ACTR8: variants seen among roughly 807,000 people sequenced by gnomAD.
ACTR8 encodes actin related protein 8, also known as actin-related protein 8.
Under a neutral mutation model 84.3 loss-of-function variants are expected in ACTR8, and 70 were observed. That is an observed-to-expected ratio of 0.83 (90% CI 0.68 to 1.01). The LOEUF (loss-of-function observed/expected upper bound fraction) is 1.01. ACTR8 is among the 50% of genes least tolerant of loss of function. The pLI is 0.00. For synonymous variants in ACTR8, 268 were observed against 275.2 expected, an observed-to-expected ratio of 0.97 and a Z score of 0.26; for missense variants, 672 against 775.4, an observed-to-expected ratio of 0.87 and a Z score of 1.58.
At chr3:53,872,549 C>A in intron 9 of ACTR8, 25 bp from the exon 10 acceptor site, 4 of 1,553,630 alleles carry the variant, frequency 2.6e-6, no homozygotes, top group Non-Finnish European at 3.5e-6. Flanking sequence ...AAAGAGTGAT[C>A]AACAAAAGAT....
chr3:53,868,346 T>C lies in ACTR8; in HGVS notation c.*373A>G, dbSNP rs2107045174. ...GAGTGGACAGTTCTCCCTCGTCACATACTATCCCTCATGGTTGCATGAGGC... is the reference window on the plus strand; with the variant it reads ...GAGTGGACAGTTCTCCCTCGTCACACACTATCCCTCATGGTTGCATGAGGC... On this transcript the variant is annotated 3_prime_UTR_variant, in exon 13 of 13. Transcript: ENST00000335754. The C allele has an allele frequency of 5.5e-6, 1 of 180,966 alleles. No individual in the cohort carries two copies. The highest frequency in any genetic ancestry group is 2.3e-3 in the Middle Eastern group (1 of 438). The allele number at this position is 180,966 out of a possible 1,614,324, so 11.2% of individuals were successfully genotyped here. A position where few individuals can be genotyped will look rare whatever the true frequency, so the allele number is the denominator to read the frequency against.
At chr3:53,879,839 A>G in intron 2 of ACTR8, 100 bp downstream of exon 2, 1 of 1,202,102 alleles carries the variant, frequency 8.3e-7, no homozygotes, top group Non-Finnish European at 1.2e-6. Context: ...AAAACACAGC[A>G]AAGCTATGAA....
intron 12 of ACTR8, among the ~76,000 whole-genome samples, chr3:53,869,303 G>A (rs1216048059): frequency 1.3e-5 from 2 of 152,164 alleles, no homozygotes; most frequent in African/African-American, 4.8e-5. Context: ...TAGGACTTAT[G>A]AACTACAGGC....
At chr3:53,874,498 G>A in intron 7 of ACTR8, 134 bp from the exon 8 acceptor site, 1 of 870,522 alleles carries the variant, frequency 1.1e-6, no homozygotes, top group South Asian at 2.0e-5. Context: ...GCTGAGATGA[G>A]CAGATCACTT....
At chr3:53,864,972 A>G, downstream of ACTR8, 1 of 1,614,188 alleles carries the variant, frequency 6.2e-7, no homozygotes, top group Admixed American at 1.7e-5. Flanking sequence ...CAGCAGACAA[A>G]GTCGTCTTCC....
At chr3:53,864,413 T>C (rs1026777679), downstream of ACTR8, among the ~76,000 whole-genome samples, 4 of 152,038 alleles carry the variant, frequency 2.6e-5, no homozygotes, top group Admixed American at 2.0e-4. Flanking sequence ...CGGGCGCCTG[T>C]AGTCCCAGCT....
At chr3:53,877,106 T>A in intron 5 of ACTR8, 108 bp downstream of exon 5, 4 of 1,104,906 alleles carry the variant, frequency 3.6e-6, no homozygotes, top group Admixed American at 2.9e-5. Context: ...ACCCTGAAGG[T>A]CAAGAATGTT....
chr3:53,860,469 T>C, the ACTR8 span: 4 of 359,296 alleles, frequency 1.1e-5, no homozygotes, highest in African/African-American at 4.1e-5. Context: ...ATTTTTACCA[T>C]TGAGCCTTCT....
chr3:53,868,857 C>T lies in ACTR8; in HGVS notation c.1737G>A (p.Met579Ile). The change falls in exon 13 of 13, where the codon ATG becomes ATA. Residue 579 changes from methionine to isoleucine, a missense_variant. Transcript: ENST00000335754. ...CTTTCCATGCAATCAGCCGGGGGTC[C>T]ATGTCCTACAGAAGGGATGAAGGCA... ...NVDVITRPKD[M>I]DPRLIAWKGG... is the part of the protein sequence containing the mutation. 6.2e-7 allele frequency: 1 copy of T among 1,613,928 alleles called. No individual in the cohort carries two copies. The highest frequency in any genetic ancestry group is 8.5e-7 in the Non-Finnish European group (1 of 1,179,914).
chr3:53,876,221 T>C (rs1699965747), intron 6 of ACTR8, 141 bp from the exon 7 acceptor site: 2 of 1,122,232 alleles, frequency 1.8e-6, no homozygotes, highest in South Asian at 3.2e-5. Context: ...AGAATAAGCA[T>C]TTAAATAAGT....
At chr3:53,879,842 G>T (rs577614315) in intron 2 of ACTR8, 97 bp downstream of exon 2, 7 of 1,222,564 alleles carry the variant, frequency 5.7e-6, no homozygotes, top group Admixed American at 2.4e-5. Context: ...ACACAGCAAA[G>T]CTATGAAGAT....
At position 53,881,770 on chromosome 3, in the gene ACTR8, G is replaced by A. The variant is rs952826437; in HGVS notation, c.123+209C>T. 1.9e-5 allele frequency: 14 copies of A among 730,910 alleles called. No homozygotes were observed. The Middle Eastern group carries it at 1.2e-3, about 61-fold the overall frequency. The allele number at this position is 730,910 out of a possible 1,614,324, so 45.3% of individuals were successfully genotyped here. On this transcript the variant is annotated intron_variant, in intron 1 of 12. Coordinates refer to ENST00000335754, the MANE Select transcript of ACTR8 (RefSeq NM_022899.5). ...AGATCGGAGCGGTGTCCCTGCGGGGGCTCCGCCTGGCTCCTGGCGCTCCGC... is the reference window on the plus strand; with the variant it reads ...AGATCGGAGCGGTGTCCCTGCGGGGACTCCGCCTGGCTCCTGGCGCTCCGC...
downstream of ACTR8, among the ~76,000 whole-genome samples, chr3:53,866,722 C>T (rs1330376823): frequency 6.6e-6 from 1 of 152,170 alleles, no homozygotes; most frequent in Non-Finnish European, 1.5e-5. Flanking sequence ...ACCTCATGAT[C>T]CACCCACCTC....
chr3:53,879,578 T>C (rs1406902150), intron 2 of ACTR8, among the ~76,000 whole-genome samples: 3 of 152,056 alleles, frequency 2.0e-5, no homozygotes, highest in Non-Finnish European at 2.9e-5. Flanking sequence ...AAAATAAGAG[T>C]TTGACTTATT....
In ACTR8 at chr3:53,868,159, T is replaced by C. The variant is rs1699823023; in HGVS notation, c.*560A>G. ...GAAATCGAGACCTGAATGGGTCCCA[T>C]TCTTTTTCTGTAATCCAACAGAAAA... On this transcript the variant is annotated 3_prime_UTR_variant, in exon 13 of 13. Coordinates refer to ENST00000335754, the MANE Select transcript of ACTR8 (RefSeq NM_022899.5). 2.0e-5 allele frequency: 3 copies of C among 151,104 alleles called. No homozygotes were observed. Among genetic ancestry groups the C allele is most frequent in the African/African-American group, 7.3e-5 (3 of 41,066 alleles). The allele number at this position is 151,104 out of a possible 1,614,324, so 9.4% of individuals were successfully genotyped here.
chr3:53,870,361 C>CT lies in ACTR8; in HGVS notation c.1568-217dup, dbSNP rs2107051085. The CT allele has an allele frequency of 1.7e-6, 1 of 576,440 alleles. No individual in the cohort carries two copies. The highest frequency in any genetic ancestry group is 2.9e-5 in the East Asian group (1 of 34,160). 35.7% of individuals were successfully genotyped at this position (576,440 alleles called of 1,614,324 possible). A position where few individuals can be genotyped will look rare whatever the true frequency, so the allele number is the denominator to read the frequency against. On this transcript the variant is annotated intron_variant, in intron 11 of 12. Transcript: ENST00000335754. The surrounding 1 kb of genome is among the most constrained non-coding windows in gnomAD (Gnocchi z 4.1). ...CTACTTGCAGGATTAGGATCAAAAT[C>CT]TTTAAAGGAGGCCGAGCATGGTGGC... is the stretch of plus-strand genomic sequence containing the variant.
chr3:53,865,201 C>A (rs772985238), downstream of ACTR8: 3 of 1,614,052 alleles, frequency 1.9e-6, no homozygotes, highest in Admixed American at 3.3e-5. Context: ...CAAGTACCAC[C>A]TCATGAAGGA....
At chr3:53,869,058 G>C (rs1028272237) in intron 12 of ACTR8, among the ~76,000 whole-genome samples, 196 bp from the exon 13 acceptor site, 3 of 152,248 alleles carry the variant, frequency 2.0e-5, no homozygotes, top group Non-Finnish European at 4.4e-5. Flanking sequence ...GAGGCGGGCA[G>C]ATCACGAGAT....
At chr3:53,873,569 C>T (rs928436594) in intron 8 of ACTR8, among the ~76,000 whole-genome samples, 5 of 152,192 alleles carry the variant, frequency 3.3e-5, no homozygotes, top group Non-Finnish European at 7.3e-5. Flanking sequence ...CAAATTATAA[C>T]ATTTAACAAA....
Sources: allele counts gnomAD v4.1 joint callset (sites outside exome capture counted in the v4.1 genomes callset), GRCh38; gene constraint gnomAD v4.1.1; non-coding constraint Gnocchi (gnomAD v3.1); transcripts MANE v1.5; gene names NCBI Gene and HGNC (gene_info 2026-07-23, HGNC 2026-07-21).